Variants in RASSF6 observed in about 807,000 individuals in gnomAD.
RASSF6 encodes the protein Ras association domain family member 6.
A neutral mutation model predicts 44.0 loss-of-function variants in RASSF6; 52 were observed. The observed-to-expected ratio is 1.18, with a 90% confidence interval of 0.95 to 1.49. The LOEUF is 1.49. RASSF6 is among the 40% of genes most tolerant of loss of function. The pLI is 0.00. For missense variants in RASSF6, 464 were observed against 393.3 expected, an observed-to-expected ratio of 1.18 and a Z score of -1.52; for synonymous variants, 162 against 124.6, an observed-to-expected ratio of 1.30 and a Z score of -2.00.
Position 73,573,113 on chromosome 4 carries a change from A to G in RASSF6, c.*3122T>C, listed in dbSNP as rs554684836. ...TTAATGGCTACATAACAATATACAAATAAATGTTTATTTCCCTCTTTTTTT... is the reference window on the plus strand; with the variant it reads ...TTAATGGCTACATAACAATATACAAGTAAATGTTTATTTCCCTCTTTTTTT... On this transcript the variant is annotated 3_prime_UTR_variant, in exon 11 of 11. Transcript: ENST00000307439. The G allele has an allele frequency of 4.8e-4, 73 of 152,170 alleles. No homozygotes were observed. The highest frequency in any genetic ancestry group is 1.6e-3 in the African/African-American group (66 of 41,552). The allele number at this position is 152,170 out of a possible 1,614,324, so 9.4% of individuals were successfully genotyped here.
At chr4:73,598,537 C>A in intron 3 of RASSF6, 103 bp downstream of exon 3, 1 of 600,076 alleles carries the variant, frequency 1.7e-6, no homozygotes, top group Non-Finnish European at 2.8e-6. Flanking sequence ...GAATCATAAT[C>A]AAGTTAAACT....
At chr4:73,594,342 T>C (rs1194498564) in intron 3 of RASSF6, among the ~76,000 whole-genome samples, 1 of 152,250 alleles carries the variant, frequency 6.6e-6, no homozygotes, top group East Asian at 1.9e-4. Flanking sequence ...ATTTTAACAT[T>C]CATTAACTAT....
chr4:73,595,077 T>C (rs141136786), intron 3 of RASSF6, among the ~76,000 whole-genome samples: 1 of 152,402 alleles, frequency 6.6e-6, no homozygotes, highest in African/African-American at 2.4e-5. Context: ...TTCTGAATTA[T>C]GACTTTATTG....
At chr4:73,577,264 C>T (rs539957878) in intron 8 of RASSF6, among the ~76,000 whole-genome samples, 4 of 152,118 alleles carry the variant, frequency 2.6e-5, no homozygotes, top group Non-Finnish European at 4.4e-5. Flanking sequence ...TTAATCCATT[C>T]AGCCATGAAA....
At chr4:73,595,547 A>T (rs997717266) in intron 3 of RASSF6, among the ~76,000 whole-genome samples, 1 of 152,240 alleles carries the variant, frequency 6.6e-6, no homozygotes, top group African/African-American at 2.4e-5. Context: ...AGAATTGGAA[A>T]GAATATGCCT....
At chr4:73,595,257 T>A (rs535009276) in intron 3 of RASSF6, among the ~76,000 whole-genome samples, 3 of 152,324 alleles carry the variant, frequency 2.0e-5, no homozygotes, top group East Asian at 3.9e-4. Context: ...TACAGTGGTG[T>A]GATCTCAGCT....
At chr4:73,581,947 G>T (rs1028842233) in intron 7 of RASSF6, 79 bp from the exon 8 acceptor site, 62 of 1,043,158 alleles carry the variant, frequency 5.9e-5, no homozygotes, top group Non-Finnish European at 8.5e-5. Context: ...CCCAAATCAT[G>T]TCTGTTTTCT....
intron 1 of RASSF6, 31 bp downstream of exon 1, chr4:73,620,257 G>GACT: frequency 7.3e-7 from 1 of 1,361,712 alleles, no homozygotes; most frequent in Non-Finnish European, 9.5e-7. Flanking sequence ...GAGTGGATTA[G>GACT]AAAGTTTTTT....
Position 73,620,415 on chromosome 4 carries a change from G to A in RASSF6, c.-162C>T, listed in dbSNP as rs553445302. The A allele has an allele frequency of 1.6e-4, 241 of 1,541,978 alleles. 1 individual carries two copies. In the South Asian group the frequency reaches 2.8e-3, roughly 18 times the overall value. The stretch of plus-strand genomic sequence containing the variant: ...GAAACCAGTGCCCTGTCTCTGCCGG[G>A]CTGGGACTCCGCGAGTCACTCACCT... On this transcript the variant is annotated 5_prime_UTR_variant, in exon 1 of 11. Transcript: ENST00000307439.
chr4:73,620,312 G>T lies in RASSF6; in HGVS notation c.-59C>A. The T allele has an allele frequency of 6.8e-7, 1 of 1,468,670 alleles. No homozygotes were observed. Among genetic ancestry groups the T allele is most frequent in the Non-Finnish European group, 9.0e-7 (1 of 1,113,854 alleles). 91.0% of individuals were successfully genotyped at this position (1,468,670 alleles called of 1,614,324 possible). ...CCTGTTATTCACACTGTGAGCAGGA[G>T]GACCCTTTTCACCATCGTTGTTCGG... On this transcript the variant is annotated 5_prime_UTR_variant, in exon 1 of 11. Transcript: ENST00000307439.
At chr4:73,576,911 A>G (rs1723274622) in intron 8 of RASSF6, among the ~76,000 whole-genome samples, 180 bp from the exon 9 acceptor site, 1 of 152,230 alleles carries the variant, frequency 6.6e-6, no homozygotes, top group Middle Eastern at 3.2e-3. Flanking sequence ...TCTTTCTCTT[A>G]CTGTATCTCA....
chr4:73,577,217 G>A (rs1036922232), intron 8 of RASSF6, among the ~76,000 whole-genome samples: 1 of 152,022 alleles, frequency 6.6e-6, no homozygotes, highest in Non-Finnish European at 1.5e-5. Context: ...TGAGGTTTTT[G>A]AGATCAATAA....
Position 73,572,341 on chromosome 4 carries a change from A to T in RASSF6, c.*3894T>A, listed in dbSNP as rs1056293510. The T allele has an allele frequency of 3.9e-5, 6 of 152,190 alleles. No homozygotes were observed. The highest frequency in any genetic ancestry group is 1.2e-4 in the African/African-American group (5 of 41,434). The allele number at this position is 152,190 out of a possible 1,614,324, so 9.4% of individuals were successfully genotyped here. A position where few individuals can be genotyped will look rare whatever the true frequency, so the allele number is the denominator to read the frequency against. ...TTTATGACCTACTTCAAAGTCTCAC[A>T]GTCTCTTCCATTTTCCTGTATTAAA... On this transcript the variant is annotated 3_prime_UTR_variant, in exon 11 of 11. Transcript: ENST00000307439.
intron 4 of RASSF6, 59 bp downstream of exon 4, chr4:73,593,392 A>G: frequency 6.6e-7 from 1 of 1,507,216 alleles, no homozygotes; most frequent in Non-Finnish European, 9.0e-7. Flanking sequence ...GAGTGCACGC[A>G]ATAAAACTAG....
intron 6 of RASSF6, among the ~76,000 whole-genome samples, chr4:73,582,662 T>A (rs953093161): frequency 6.2e-4 from 95 of 152,130 alleles, no homozygotes; most frequent in African/African-American, 2.0e-3. Context: ...TTTATTTATA[T>A]GCACAATCTC....
chr4:73,607,021 CT>C (rs1233369676), intron 2 of RASSF6, among the ~76,000 whole-genome samples: 3 of 152,130 alleles, frequency 2.0e-5, no homozygotes, highest in Non-Finnish European at 4.4e-5. Context: ...CTCACTGGCT[CT>C]GACTTTGTTC....
chr4:73,610,999 T>A (rs995576922), intron 2 of RASSF6, among the ~76,000 whole-genome samples: 1 of 152,190 alleles, frequency 6.6e-6, no homozygotes, highest in African/African-American at 2.4e-5. Flanking sequence ...TGGCTTTATT[T>A]CCATATTTGA....
chr4:73,591,254 A>G (rs1200608774), intron 4 of RASSF6, among the ~76,000 whole-genome samples: 1 of 152,216 alleles, frequency 6.6e-6, no homozygotes, highest in African/African-American at 2.4e-5. Flanking sequence ...CCACAAATTT[A>G]TAGAATTATT....
chr4:73,592,908 C>G (rs549341024), intron 4 of RASSF6, among the ~76,000 whole-genome samples: 4 of 152,196 alleles, frequency 2.6e-5, no homozygotes, highest in Non-Finnish European at 4.4e-5. Flanking sequence ...GGACCCCAGA[C>G]AGAAGTAAGG....
Sources: allele counts gnomAD v4.1 joint callset (sites outside exome capture counted in the v4.1 genomes callset), GRCh38; gene constraint gnomAD v4.1.1; transcripts MANE v1.5; gene names NCBI Gene and HGNC (gene_info 2026-07-23, HGNC 2026-07-21).